Variants in PHF14 observed in about 807,000 individuals in gnomAD.
PHF14 encodes the protein PHD finger protein 14.
PHF14 carries 55 observed loss-of-function variants against 117.9 expected under a neutral mutation model. The ratio of observed to expected loss-of-function variants is 0.47; its 90% CI spans 0.38 to 0.58. The LOEUF is 0.58. PHF14 is among the 20% of genes least tolerant of loss of function. The pLI is 0.00. For synonymous variants in PHF14, 409 were observed against 368.6 expected (o/e 1.11, Z -1.26); for missense variants, 978 against 1,122.2 (o/e 0.87, Z 1.84).
At chr7:11,091,940 A>G (rs924869481) in intron 16 of PHF14, among the ~76,000 whole-genome samples, 1 of 152,210 alleles carries the variant, frequency 6.6e-6, no homozygotes, top group African/African-American at 2.4e-5. Flanking sequence ...CTCTGTAAGA[A>G]TGGAACACCT....
At chr7:11,107,094 T>C (rs1422745881) in intron 16 of PHF14, 3 of 982,846 alleles carry the variant, frequency 3.1e-6, no homozygotes, top group East Asian at 2.3e-4. Flanking sequence ...AAAGTAGTTG[T>C]AGTTTACTCC....
chr7:11,053,266 T>C (rs1238116344), intron 14 of PHF14, among the ~76,000 whole-genome samples: 1 of 152,148 alleles, frequency 6.6e-6, no homozygotes, highest in Non-Finnish European at 1.5e-5. Flanking sequence ...ATTTTTTAAA[T>C]CAGTTTTGTG....
At chr7:11,047,147 C>A (rs1784693473) in intron 13 of PHF14, among the ~76,000 whole-genome samples, 1 of 151,940 alleles carries the variant, frequency 6.6e-6, no homozygotes, top group African/African-American at 2.4e-5. Context: ...CAACTCACCG[C>A]AACTTCTGCC....
chr7:10,988,617 G>A (rs1021335749), intron 3 of PHF14, among the ~76,000 whole-genome samples: 1 of 141,588 alleles, frequency 7.1e-6, no homozygotes, highest in African/African-American at 2.6e-5. Context: ...GATATTTAAA[G>A]TAGTAGTGCT....
intron 7 of PHF14, among the ~76,000 whole-genome samples, chr7:11,031,139 G>T (rs1164097585): frequency 6.6e-6 from 1 of 151,636 alleles, no homozygotes; most frequent in Non-Finnish European, 1.5e-5. Context: ...CTTTTCAAAA[G>T]ACTATATCAA....
chr7:11,151,135 C>G (rs1046929548), intron 17 of PHF14, among the ~76,000 whole-genome samples: 1 of 151,904 alleles, frequency 6.6e-6, no homozygotes, highest in Non-Finnish European at 1.5e-5. Flanking sequence ...AATTGTTGAA[C>G]ATGTATATTA....
At chr7:10,986,493 T>G (rs1317830988) in intron 3 of PHF14, among the ~76,000 whole-genome samples, 1 of 152,200 alleles carries the variant, frequency 6.6e-6, no homozygotes, top group South Asian at 2.1e-4. Flanking sequence ...AAACTGCCTT[T>G]ACCTTTTATA....
Position 11,050,031 on chromosome 7 carries a change from T to C in PHF14, c.2313-1581T>C, listed in dbSNP as rs1025320806. 4.6e-5 allele frequency among the ~76,000 whole-genome samples: 7 copies of C among 152,228 alleles called. No individual in the cohort carries two copies. The South Asian group carries it at 1.2e-3, about 27-fold the overall frequency. On this transcript the variant is annotated intron_variant, in intron 13 of 17. Coordinates refer to ENST00000634607, the MANE Select transcript of PHF14 (RefSeq NM_001007157.2). ...CCTATTCTTAAATAATTGGAAATTT[T>C]AAGATATTTAAATTAATACGTTAAG...
intron 7 of PHF14, among the ~76,000 whole-genome samples, chr7:11,033,819 A>G (rs985294347): frequency 6.6e-6 from 1 of 152,200 alleles, no homozygotes. Context: ...CTTTATTTCC[A>G]TTTAACATCT....
At chr7:11,008,034 C>T (rs1312027029) in intron 4 of PHF14, among the ~76,000 whole-genome samples, 1 of 152,104 alleles carries the variant, frequency 6.6e-6, no homozygotes, top group Non-Finnish European at 1.5e-5. Context: ...CGTGATGTCA[C>T]TTATCCTGAT....
At chr7:11,121,187 A>G (rs75791995) in intron 17 of PHF14, among the ~76,000 whole-genome samples, 2,613 of 152,250 alleles carry the variant, frequency 0.017, 67 homozygotes, top group African/African-American at 0.06. Flanking sequence ...TATTATATAC[A>G]TGTGGGATCT....
At chr7:11,128,248 C>T (rs1167532195) in intron 17 of PHF14, among the ~76,000 whole-genome samples, 4 of 152,070 alleles carry the variant, frequency 2.6e-5, no homozygotes, top group African/African-American at 9.7e-5. Context: ...AAATCTTTGA[C>T]ACATGCATCA....
rs180784176 is a variant in PHF14 at position 11,103,567 on chromosome 7, C to G, written c.2655-7783C>G. The stretch of plus-strand genomic sequence containing the variant: ...ATCTTGAACTGATTTAGAAGAGACT[C>G]TTTGCTGAAATTGAATTGCACTTAT... On this transcript the variant is annotated intron_variant, in intron 16 of 17. Transcript: ENST00000634607. 456 of 984,574 alleles carry G rather than the reference C, an allele frequency of 4.6e-4. 3 individuals are homozygous for G. In the African/African-American group the frequency reaches 7.7e-3, roughly 17 times the overall value. The allele number at this position is 984,574 out of a possible 1,614,324, so 61.0% of individuals were successfully genotyped here. A position where few individuals can be genotyped will look rare whatever the true frequency, so the allele number is the denominator to read the frequency against.
At position 10,983,179 on chromosome 7, in the gene PHF14, A is replaced by G. The variant is rs1278514791; in HGVS notation, c.900+20A>G. 1.9e-6 allele frequency: 3 copies of G among 1,569,206 alleles called. No homozygotes were observed. The highest frequency in any genetic ancestry group is 1.8e-5 in the Admixed American group (1 of 56,280). On this transcript the variant is annotated intron_variant, in intron 3 of 17. Transcript: ENST00000634607. ...AATGAGGTAGATCAACCCAATTTTT[A>G]TATCTGTCTGTCTGGGGAAAAGGGA... is the stretch of plus-strand genomic sequence containing the variant.
chr7:11,120,199 C>G (rs1393591052), intron 17 of PHF14, among the ~76,000 whole-genome samples: 3 of 151,768 alleles, frequency 2.0e-5, no homozygotes, highest in African/African-American at 7.3e-5. Flanking sequence ...TGAAAAGAAA[C>G]AAACTGGGCT....
intron 16 of PHF14, among the ~76,000 whole-genome samples, chr7:11,068,679 A>T (rs890579426): frequency 2.0e-5 from 3 of 152,182 alleles, no homozygotes; most frequent in African/African-American, 7.2e-5. Context: ...TAAGATGGTC[A>T]ATGCTATGTA....
intron 17 of PHF14, among the ~76,000 whole-genome samples, chr7:11,154,478 TAA>T (rs1788787597): frequency 6.6e-6 from 1 of 152,156 alleles, no homozygotes; most frequent in African/African-American, 2.4e-5. Context: ...AAAAAGGTCT[TAA>T]GTCAATTTAA....
At chr7:11,091,400 T>G (rs528707326) in intron 16 of PHF14, among the ~76,000 whole-genome samples, 4 of 151,002 alleles carry the variant, frequency 2.6e-5, no homozygotes, top group East Asian at 1.9e-4. Context: ...GAATAGAGGG[T>G]TTTTTTTAAA....
At chr7:11,042,658 C>A in intron 12 of PHF14, 25 bp from the exon 13 acceptor site, 2 of 1,507,776 alleles carry the variant, frequency 1.3e-6, no homozygotes, top group East Asian at 2.4e-5. Flanking sequence ...TTATTGAAAT[C>A]TTTACTTGCT....
Sources: allele counts gnomAD v4.1 joint callset (sites outside exome capture counted in the v4.1 genomes callset), GRCh38; gene constraint gnomAD v4.1.1; transcripts MANE v1.5; gene names NCBI Gene and HGNC (gene_info 2026-07-23, HGNC 2026-07-21).